CACNG2: variants seen among roughly 807,000 people sequenced by gnomAD.
CACNG2 encodes voltage-dependent calcium channel gamma-2 subunit.
In CACNG2, 3 loss-of-function variants were observed where a neutral mutation model predicts 25.9. The observed-to-expected ratio is 0.12, with a 90% CI of 0.05 to 0.30. CACNG2 has a LOEUF of 0.30. Ranked by LOEUF, CACNG2 falls within the 10% of genes least tolerant of loss-of-function variation. The pLI is 1.00. For synonymous variants in CACNG2, 167 were observed against 173.3 expected (o/e 0.96, Z 0.29); for missense variants, 341 against 432.5 (o/e 0.79, Z 1.88).
chr22:36,687,272 A>G (rs2146010220), intron 1 of CACNG2, among the ~76,000 whole-genome samples: 1 of 152,350 alleles, frequency 6.6e-6, no homozygotes, highest in South Asian at 2.1e-4. Context: ...TACTTGAAAG[A>G]GAATAAACTT....
intron 2 of CACNG2, among the ~76,000 whole-genome samples, chr22:36,577,009 A>T (rs1935328773): frequency 6.6e-6 from 1 of 152,078 alleles, no homozygotes; most frequent in Non-Finnish European, 1.5e-5. Flanking sequence ...GTCAGTAGAG[A>T]TTGGTGACCA....
chr22:36,620,445 TA>T (rs1391275863), intron 1 of CACNG2, among the ~76,000 whole-genome samples: 1 of 152,258 alleles, frequency 6.6e-6, no homozygotes, highest in Non-Finnish European at 1.5e-5. Context: ...ATTCTAATGG[TA>T]TTTTTTCCTT....
At chr22:36,630,863 C>T (rs959211929) in intron 1 of CACNG2, among the ~76,000 whole-genome samples, 1 of 152,114 alleles carries the variant, frequency 6.6e-6, no homozygotes, top group African/African-American at 2.4e-5. Flanking sequence ...CAGAGTCTTG[C>T]TCTGTCACCC....
At chr22:36,595,806 C>T (rs1259592349) in intron 1 of CACNG2, among the ~76,000 whole-genome samples, 1 of 152,206 alleles carries the variant, frequency 6.6e-6, no homozygotes, top group Non-Finnish European at 1.5e-5. Flanking sequence ...AGAAGAGTGG[C>T]AGTGCCCCAC....
chr22:36,660,190 G>A (rs983441878), intron 1 of CACNG2, among the ~76,000 whole-genome samples: 7 of 152,262 alleles, frequency 4.6e-5, no homozygotes, highest in Non-Finnish European at 8.8e-5. Flanking sequence ...GGATGCCTGA[G>A]TCATCTCCCG....
At chr22:36,594,349 T>G (rs1398782114) in intron 1 of CACNG2, among the ~76,000 whole-genome samples, 2 of 152,238 alleles carry the variant, frequency 1.3e-5, no homozygotes, top group African/African-American at 2.4e-5. Flanking sequence ...GTATGAGGCC[T>G]TATGGCAGCA....
At chr22:36,647,319 G>A (rs1378813543) in intron 1 of CACNG2, among the ~76,000 whole-genome samples, 1 of 152,128 alleles carries the variant, frequency 6.6e-6, no homozygotes, top group Non-Finnish European at 1.5e-5. Flanking sequence ...ATCTGGGCCA[G>A]GTGCGGTGGC....
intron 1 of CACNG2, among the ~76,000 whole-genome samples, chr22:36,617,855 T>C (rs1366001726): frequency 6.6e-6 from 1 of 151,496 alleles, no homozygotes; most frequent in East Asian, 1.9e-4. Flanking sequence ...AAATAAATTG[T>C]GTTGAACACC....
At chr22:36,694,961 C>T (rs1203853145) in intron 1 of CACNG2, among the ~76,000 whole-genome samples, 2 of 152,110 alleles carry the variant, frequency 1.3e-5, no homozygotes, top group South Asian at 4.1e-4. Context: ...CACTCCTGTA[C>T]TCCCAGCACT....
At chr22:36,577,847 A>G (rs1206716987) in intron 2 of CACNG2, among the ~76,000 whole-genome samples, 1 of 151,926 alleles carries the variant, frequency 6.6e-6, no homozygotes, top group East Asian at 1.9e-4. Flanking sequence ...GGTTGTGATG[A>G]CTTCTGGAGG....
chr22:36,579,387 A>G (rs924814978), intron 2 of CACNG2, among the ~76,000 whole-genome samples: 6 of 145,906 alleles, frequency 4.1e-5, no homozygotes, highest in African/African-American at 1.5e-4. Context: ...CTGGGCAACA[A>G]AAGTGAAACT....
Position 36,621,569 on chromosome 22 carries a change from C to CAAA in CACNG2, c.212-34024_212-34022dup, listed in dbSNP as rs386395348. ...TGGGTGATGAAGTGAGATTTTGCCT[C>CAAA]AAAAAAAAAAAAAAGAAAAATGAAG... is the stretch of plus-strand genomic sequence containing the variant. On this transcript the variant is annotated intron_variant, in intron 1 of 3. Transcript: ENST00000300105. 3.4e-4 allele frequency among the ~76,000 whole-genome samples: 40 copies of CAAA among 118,896 alleles called. 1 individual carries two copies. Among genetic ancestry groups the CAAA allele is most frequent in the South Asian group, 8.1e-4 (3 of 3,700 alleles). The allele number at this position is 118,896 out of a possible 152,430, so 78.0% of individuals were successfully genotyped here. A position where few individuals can be genotyped will look rare whatever the true frequency, so the allele number is the denominator to read the frequency against.
At chr22:36,611,953 T>C (rs1047307664) in intron 1 of CACNG2, among the ~76,000 whole-genome samples, 1 of 152,222 alleles carries the variant, frequency 6.6e-6, no homozygotes, top group African/African-American at 2.4e-5. Flanking sequence ...CTGAGCCTCC[T>C]CTGTAAACCG....
At chr22:36,570,809 G>C (rs1935213471) in intron 2 of CACNG2, among the ~76,000 whole-genome samples, 2 of 149,386 alleles carry the variant, frequency 1.3e-5, no homozygotes, top group South Asian at 4.2e-4. Context: ...CCAGCAAATA[G>C]CACCATGCTT....
Position 36,606,108 on chromosome 22 carries a change from C to T in CACNG2, c.212-18560G>A, listed in dbSNP as rs1415381901. Among the ~76,000 whole-genome samples, 5 of 152,186 alleles carry T rather than the reference C, an allele frequency of 3.3e-5. No individual in the cohort carries two copies. The highest frequency in any genetic ancestry group is 7.3e-5 in the Non-Finnish European group (5 of 68,032). ...CTTTCAGTTCAGTACTTCAGCTCGT[C>T]CTTGAATTTTTATCAAGTGGTTACT... On this transcript the variant is annotated intron_variant, in intron 1 of 3. Transcript: ENST00000300105. The surrounding 1 kb of genome is among the most constrained non-coding windows in gnomAD (Gnocchi z 5.7).
At chr22:36,657,177 A>G (rs984210515) in intron 1 of CACNG2, among the ~76,000 whole-genome samples, 2 of 152,176 alleles carry the variant, frequency 1.3e-5, no homozygotes, top group Admixed American at 1.3e-4. Flanking sequence ...GTGTATATGG[A>G]TGAGATGTCT....
intron 1 of CACNG2, among the ~76,000 whole-genome samples, chr22:36,648,804 C>T (rs945059719): frequency 1.4e-4 from 21 of 152,108 alleles, no homozygotes; most frequent in African/African-American, 4.1e-4. Context: ...CCGATCATAT[C>T]CCATCCATCA....
chr22:36,573,486 C>A (rs1210781895), intron 2 of CACNG2, among the ~76,000 whole-genome samples: 1 of 152,078 alleles, frequency 6.6e-6, no homozygotes, highest in Non-Finnish European at 1.5e-5. Context: ...CATGTGCCAT[C>A]ACACCTGGCT....
Position 36,563,103 on chromosome 22 carries a change from T to A in CACNG2, c.*1248A>T, listed in dbSNP as rs1184808364. Among the ~76,000 whole-genome samples, 1 of 152,198 alleles carries A rather than the reference T, an allele frequency of 6.6e-6. No homozygotes were observed. The highest frequency in any genetic ancestry group is 2.4e-5 in the African/African-American group (1 of 41,450). ...CCACTTATTTTGTATTTACATTTAT[T>A]TATAGTCTGTGGTTTTTTTATTAAA... is the stretch of plus-strand genomic sequence containing the variant. On this transcript the variant is annotated 3_prime_UTR_variant, in exon 4 of 4. Transcript: ENST00000300105.
Sources: gnomAD v4.1 joint callset for allele counts (sites outside exome capture counted in the v4.1 genomes callset) on GRCh38, gnomAD v4.1.1 for gene constraint, Gnocchi (gnomAD v3.1) non-coding constraint, MANE v1.5 for transcripts, NCBI Gene and HGNC (gene_info 2026-07-23, HGNC 2026-07-21) for gene names.